ALPK2: variants seen among roughly 807,000 people sequenced by gnomAD.
The protein encoded by ALPK2 is alpha kinase 2, also known as alpha-protein kinase 2.
A neutral mutation model predicts 163.1 loss-of-function variants in ALPK2; 127 were observed. The ratio of observed to expected loss-of-function variants is 0.78; its 90% CI spans 0.67 to 0.90. ALPK2 has a LOEUF of 0.90. Ranked by LOEUF, ALPK2 falls within the 40% of genes least tolerant of loss-of-function variation. The pLI, the probability that ALPK2 is intolerant of heterozygous loss-of-function variation, is 0.00. For missense variants in ALPK2, 2,360 were observed against 2,589.6 expected (o/e 0.91, Z 1.92); for synonymous variants, 953 against 959.1 (o/e 0.99, Z 0.12).
At chr18:58,483,844 C>T (rs569524530) in intron 12 of ALPK2, among the ~76,000 whole-genome samples, 5 of 151,702 alleles carry the variant, frequency 3.3e-5, no homozygotes, top group African/African-American at 7.3e-5. Context: ...GGATTACAAA[C>T]ATGAGCCACC....
rs2051312297 is a variant in ALPK2 at position 58,481,755 on chromosome 18, G to A, written c.*68C>T. 3 of 1,304,036 alleles carry A rather than the reference G, an allele frequency of 2.3e-6. No homozygotes were observed. The African/African-American group carries it at 4.4e-5, about 19-fold the overall frequency. The allele number at this position is 1,304,036 out of a possible 1,614,324, so 80.8% of individuals were successfully genotyped here. A position where few individuals can be genotyped will look rare whatever the true frequency, so the allele number is the denominator to read the frequency against. ...CTGCAGGCTGTATATTCTCTCCTGT[G>A]TGGCCTCAGATTTTCCCTGGCGAGA... On this transcript the variant is annotated 3_prime_UTR_variant, in exon 13 of 13. Coordinates refer to ENST00000361673, the MANE Select transcript of ALPK2 (RefSeq NM_052947.4).
Position 58,515,012 on chromosome 18 carries a change from C to A in ALPK2, c.6010G>T (p.Gly2004Cys). 4.3e-6 allele frequency: 7 copies of A among 1,612,880 alleles called. No individual in the cohort carries two copies. The highest frequency in any genetic ancestry group is 1.7e-5 in the Admixed American group (1 of 59,880). Residue 2004 changes from glycine (G) to cysteine (C), a missense_variant, in exon 10 of 13, where the codon GGC becomes TGC. By Grantham distance (159) the Gly-to-Cys change is radical. Coordinates refer to ENST00000361673, the MANE Select transcript of ALPK2 (RefSeq NM_052947.4). Reference protein sequence around the residue: ...IYAAEAQPLEGFGEVPEIIPI... With the variant: ...IYAAEAQPLECFGEVPEIIPI... ...ACTTACTCAGGTACTTCTCCAAAGC[C>A]TTCCAGAGGCTGTGCTTCAGCAGCG...
chr18:58,485,648 C>T (rs1271065320), intron 12 of ALPK2, among the ~76,000 whole-genome samples: 1 of 152,244 alleles, frequency 6.6e-6, no homozygotes, highest in Non-Finnish European at 1.5e-5. Context: ...ATTTTTACAT[C>T]TCTATCTTCC....
intron 8 of ALPK2, among the ~76,000 whole-genome samples, chr18:58,518,032 C>T (rs976635644): frequency 1.3e-5 from 2 of 152,094 alleles, no homozygotes; most frequent in Admixed American, 6.6e-5. Flanking sequence ...CCCAATCAGA[C>T]TTCTCATTCA....
At chr18:58,482,905 G>C (rs913883980) in intron 12 of ALPK2, among the ~76,000 whole-genome samples, 2 of 152,206 alleles carry the variant, frequency 1.3e-5, no homozygotes, top group African/African-American at 4.8e-5. Context: ...CAGGCTTCCT[G>C]GGTTCTGGGC....
intron 12 of ALPK2, among the ~76,000 whole-genome samples, chr18:58,487,718 G>A (rs1234132135): frequency 6.6e-6 from 1 of 151,962 alleles, no homozygotes; most frequent in Admixed American, 6.6e-5. Context: ...AACACTAAAT[G>A]TACTCCACTG....
chr18:58,578,986 G>C lies in ALPK2; in HGVS notation c.1790C>G (p.Ala597Gly). 6.2e-7 allele frequency: 1 copy of C among 1,614,202 alleles called. No homozygotes were observed. The highest frequency in any genetic ancestry group is 8.5e-7 in the Non-Finnish European group (1 of 1,180,034). The change falls in exon 4 of 13, where the codon GCT (alanine) becomes GGT (glycine). Residue 597 changes from alanine (A) to glycine (G), a missense_variant. Coordinates refer to ENST00000361673, the MANE Select transcript of ALPK2 (RefSeq NM_052947.4). ...TGAAATAGCACATTCTCTTGCATCA[G>C]CATGGGAACTCCGACCAGTCGCTGC... ...TAAATGRSSH[A>G]DARECAISTQ...
intron 1 of ALPK2, among the ~76,000 whole-genome samples, chr18:58,613,385 G>A (rs780095041): frequency 2.0e-5 from 3 of 152,110 alleles, no homozygotes; most frequent in Non-Finnish European, 4.4e-5. Flanking sequence ...GATGGTGACA[G>A]CAGAGCATTA....
intron 6 of ALPK2, among the ~76,000 whole-genome samples, chr18:58,526,447 C>T (rs1363673414): frequency 6.6e-6 from 1 of 152,228 alleles, no homozygotes; most frequent in Non-Finnish European, 1.5e-5. Context: ...GCCAGCTCCT[C>T]ATCCACTGGT....
intron 4 of ALPK2, among the ~76,000 whole-genome samples, chr18:58,547,831 T>C (rs2051726249): frequency 1.3e-5 from 2 of 151,844 alleles, no homozygotes; most frequent in African/African-American, 4.8e-5. Context: ...CTGGGGTGAG[T>C]GGGATGGTAT....
intron 3 of ALPK2, among the ~76,000 whole-genome samples, chr18:58,597,607 C>A (rs2052047350): frequency 6.6e-6 from 1 of 152,198 alleles, no homozygotes; most frequent in Non-Finnish European, 1.5e-5. Flanking sequence ...TGTCTACTTA[C>A]ACTCTCACAG....
chr18:58,597,758 T>C (rs548969905), intron 3 of ALPK2, among the ~76,000 whole-genome samples: 26 of 152,194 alleles, frequency 1.7e-4, no homozygotes, highest in Non-Finnish European at 1.2e-4. Context: ...CACCAAGTCA[T>C]ATGTTGAAGC....
intron 3 of ALPK2, among the ~76,000 whole-genome samples, chr18:58,597,407 C>T (rs973629972): frequency 2.6e-5 from 4 of 152,154 alleles, no homozygotes; most frequent in Non-Finnish European, 5.9e-5. Flanking sequence ...CAAAAAGTTT[C>T]CTTATGTGTA....
At chr18:58,496,144 G>GA (rs1331743651) in intron 12 of ALPK2, among the ~76,000 whole-genome samples, 2 of 152,156 alleles carry the variant, frequency 1.3e-5, no homozygotes, top group African/African-American at 4.8e-5. Context: ...TGCAATAGAC[G>GA]TTCATCCCCC....
chr18:58,485,174 A>T (rs2144093547), intron 12 of ALPK2, among the ~76,000 whole-genome samples: 1 of 152,306 alleles, frequency 6.6e-6, no homozygotes, highest in Middle Eastern at 3.4e-3. Flanking sequence ...GGTGGGAGAG[A>T]GTGCTGGCCG....
intron 5 of ALPK2, among the ~76,000 whole-genome samples, chr18:58,531,641 A>G (rs2051614734): frequency 1.7e-5 from 2 of 120,966 alleles, no homozygotes; most frequent in South Asian, 3.4e-4. Flanking sequence ...CTAGAAGGTG[A>G]TAAGTTGAAA....
rs570906239 is a variant in ALPK2 at position 58,547,301 on chromosome 18, G to A, written c.1963-9077C>T. On this transcript the variant is annotated intron_variant, in intron 4 of 12. Transcript: ENST00000361673. ...GAGAATTGTTAGGGAAAAGGATACA[G>A]CATGTCACCATGTCACCATAGGTAG... 2.6e-5 allele frequency among the ~76,000 whole-genome samples: 4 copies of A among 152,306 alleles called. No individual in the cohort carries two copies. The South Asian group carries it at 8.3e-4, about 32-fold the overall frequency.
intron 10 of ALPK2, among the ~76,000 whole-genome samples, chr18:58,511,055 G>A (rs1037620128): frequency 1.3e-5 from 2 of 151,958 alleles, no homozygotes; most frequent in Non-Finnish European, 2.9e-5. Context: ...TTTGAGATAC[G>A]TCCCATCAAT....
chr18:58,536,857 C>T lies in ALPK2; in HGVS notation c.3330G>A (p.Lys1110=). The T allele has an allele frequency of 6.2e-7, 1 of 1,614,178 alleles. No homozygotes were observed. The highest frequency in any genetic ancestry group is 8.5e-7 in the Non-Finnish European group (1 of 1,180,034). The change falls in exon 5 of 13, where the codon AAG becomes AAA. Residue 1110 remains lysine, a synonymous_variant. Transcript: ENST00000361673. ...PLQVDNLSGD[K]SQTVDRADFR... is the part of the protein sequence containing the mutation. Reference sequence around the variant, plus strand: ...AGTCTGCTCTGTCCACAGTCTGGCTCTTATCTCCAGACAGGTTATCAACCT... The same window carrying T: ...AGTCTGCTCTGTCCACAGTCTGGCTTTTATCTCCAGACAGGTTATCAACCT...
Sources: gnomAD v4.1 joint callset for allele counts (sites outside exome capture counted in the v4.1 genomes callset) on GRCh38, gnomAD v4.1.1 for gene constraint, MANE v1.5 for transcripts, NCBI Gene and HGNC (gene_info 2026-07-23, HGNC 2026-07-21) for gene names.